The following CSMD3 variants were observed in gnomAD, a reference collection of about 807,000 sequenced individuals.
CSMD3 encodes CUB and Sushi multiple domains 3, also known as CUB and sushi domain-containing protein 3.
CSMD3 carries 177 observed loss-of-function variants against 435.2 expected under a neutral mutation model. The ratio of observed to expected loss-of-function variants is 0.41; its 90% confidence interval spans 0.36 to 0.46. The LOEUF is 0.46. Ranked by LOEUF, CSMD3 falls within the 20% of genes least tolerant of loss-of-function variation. CSMD3 has a pLI of 0.34. For missense variants in CSMD3, 4,265 were observed against 4,504.6 expected (o/e 0.95, Z 1.52); for synonymous variants, 1,656 against 1,520.5 (o/e 1.09, Z -2.07).
intron 31 of CSMD3, among the ~76,000 whole-genome samples, chr8:112,483,882 T>C (rs954774897): frequency 1.3e-5 from 2 of 152,172 alleles, no homozygotes; most frequent in African/African-American, 4.8e-5. Context: ...TGTATTTTCT[T>C]CTCTTAATTT....
At chr8:112,251,100 T>C (rs1485239135) in intron 63 of CSMD3, among the ~76,000 whole-genome samples, 3 of 151,856 alleles carry the variant, frequency 2.0e-5, no homozygotes, top group African/African-American at 4.8e-5. Flanking sequence ...ATGCATTTAT[T>C]TGAATCTGAC....
chr8:112,574,341 A>G (rs976802751), intron 23 of CSMD3, among the ~76,000 whole-genome samples: 3 of 151,962 alleles, frequency 2.0e-5, no homozygotes, highest in African/African-American at 7.2e-5. Context: ...TGAGAGATGT[A>G]TGGTGACTCC....
At chr8:112,759,099 A>G (rs2077772469) in intron 13 of CSMD3, among the ~76,000 whole-genome samples, 1 of 152,154 alleles carries the variant, frequency 6.6e-6, no homozygotes, top group Non-Finnish European at 1.5e-5. Flanking sequence ...TTACTCTATT[A>G]CACAAGCTTT....
In CSMD3 at chr8:112,281,238, A is replaced by C. The variant is rs1334751696; in HGVS notation, c.9444T>G (p.Ser3148=). 1.1e-5 allele frequency: 17 copies of C among 1,613,368 alleles called. No individual in the cohort carries two copies. Among genetic ancestry groups the C allele is most frequent in the Non-Finnish European group, 1.4e-5 (17 of 1,179,526 alleles). Residue 3148 remains serine, a synonymous_variant, in exon 59 of 71, where the codon TCT becomes TCG. Coordinates refer to ENST00000297405, the MANE Select transcript of CSMD3 (RefSeq NM_198123.2). ...CTGTGCACTGTCTAACTGAAGGTCC[A>C]GAAAGGATGTATCCCTCCATGCAGG... is the stretch of plus-strand genomic sequence containing the variant. ...IYSCMEGYIL[S]GPSVRQCTAN...
Position 113,045,508 on chromosome 8 carries a change from G to C in CSMD3, c.918-26329C>G, listed in dbSNP as rs891364761. Reference sequence around the variant, plus strand: ...AATTCTAATTTTACTCTAGTCTATGGTTTCTAAATTAAAATCATTGATCCC... The same window carrying C: ...AATTCTAATTTTACTCTAGTCTATGCTTTCTAAATTAAAATCATTGATCCC... On this transcript the variant is annotated intron_variant, in intron 5 of 70. Coordinates refer to ENST00000297405, the MANE Select transcript of CSMD3 (RefSeq NM_198123.2). Among the ~76,000 whole-genome samples, 13 of 149,012 alleles carry C rather than the reference G, an allele frequency of 8.7e-5. 1 individual carries two copies. The highest frequency in any genetic ancestry group is 2.2e-4 in the African/African-American group (9 of 41,196).
At chr8:112,252,257 C>A (rs1039755156) in intron 63 of CSMD3, among the ~76,000 whole-genome samples, 1 of 151,924 alleles carries the variant, frequency 6.6e-6, no homozygotes, top group African/African-American at 2.4e-5. Context: ...CCTTGGAAAT[C>A]TGGAATTGAG....
At chr8:113,253,871 A>G (rs931451732) in intron 3 of CSMD3, among the ~76,000 whole-genome samples, 18 of 152,032 alleles carry the variant, frequency 1.2e-4, no homozygotes, top group South Asian at 4.2e-4. Flanking sequence ...AAGAAATGAA[A>G]CTTATGTCCT....
At chr8:112,454,963 G>A (rs1429439702) in intron 32 of CSMD3, among the ~76,000 whole-genome samples, 2 of 151,922 alleles carry the variant, frequency 1.3e-5, no homozygotes, top group South Asian at 2.1e-4. Context: ...CAAGGAGGTC[G>A]AGGCTACAGT....
At chr8:112,710,028 C>A (rs777419106) in intron 13 of CSMD3, among the ~76,000 whole-genome samples, 6 of 152,030 alleles carry the variant, frequency 3.9e-5, no homozygotes, top group Non-Finnish European at 7.4e-5. Context: ...TAAGCCATTT[C>A]TTTAAAATAT....
At chr8:112,736,846 G>GA (rs2077195852) in intron 13 of CSMD3, among the ~76,000 whole-genome samples, 2 of 152,006 alleles carry the variant, frequency 1.3e-5, no homozygotes, top group South Asian at 4.1e-4. Context: ...AACAATGGGA[G>GA]AAAATCTCTG....
At chr8:112,464,336 T>C (rs1239756926) in intron 32 of CSMD3, among the ~76,000 whole-genome samples, 1 of 151,896 alleles carries the variant, frequency 6.6e-6, no homozygotes, top group East Asian at 1.9e-4. Flanking sequence ...AAAACACATA[T>C]GGCACCTATG....
intron 51 of CSMD3, among the ~76,000 whole-genome samples, chr8:112,305,411 G>GA (rs1438364318): frequency 1.3e-5 from 2 of 151,806 alleles, no homozygotes; most frequent in African/African-American, 4.8e-5. Context: ...TACTAAATGG[G>GA]AAAAAATAAT....
chr8:112,579,683 G>A (rs1830202197), intron 23 of CSMD3, among the ~76,000 whole-genome samples: 1 of 151,946 alleles, frequency 6.6e-6, no homozygotes, highest in Non-Finnish European at 1.5e-5. Flanking sequence ...CCTGTCATAA[G>A]TGCTATTCCC....
intron 3 of CSMD3, among the ~76,000 whole-genome samples, chr8:113,265,661 G>A (rs1033951730): frequency 6.6e-6 from 1 of 151,486 alleles, no homozygotes; most frequent in Admixed American, 6.6e-5. Flanking sequence ...AATATTCATT[G>A]TAAGTTTCTT....
At chr8:113,194,844 A>G (rs1413547205) in intron 3 of CSMD3, among the ~76,000 whole-genome samples, 2 of 151,292 alleles carry the variant, frequency 1.3e-5, no homozygotes, top group African/African-American at 4.8e-5. Context: ...CTAGCTTACA[A>G]ACAAGTAGCT....
chr8:112,894,050 CCAAA>C (rs747524747), intron 10 of CSMD3, among the ~76,000 whole-genome samples: 2 of 151,508 alleles, frequency 1.3e-5, no homozygotes, highest in East Asian at 2.0e-4. Flanking sequence ...ATCCTAAAAA[CCAAA>C]CAAACAAACA....
chr8:113,094,410 C>A (rs991872987), intron 5 of CSMD3, among the ~76,000 whole-genome samples: 1 of 152,062 alleles, frequency 6.6e-6, no homozygotes, highest in African/African-American at 2.4e-5. Flanking sequence ...GGGAAGATTT[C>A]TTTGACTATC....
At chr8:112,905,546 A>G (rs1051660878) in intron 10 of CSMD3, among the ~76,000 whole-genome samples, 2 of 151,378 alleles carry the variant, frequency 1.3e-5, no homozygotes, top group Non-Finnish European at 3.0e-5. Flanking sequence ...ACACAAATTT[A>G]TTTTACAATT....
At chr8:112,231,296 C>T (rs1030986764) in intron 69 of CSMD3, among the ~76,000 whole-genome samples, 7 of 152,168 alleles carry the variant, frequency 4.6e-5, no homozygotes, top group African/African-American at 1.4e-4. Context: ...TGCTTAAAGG[C>T]AAGCCAGTTT....
Sources: allele counts gnomAD v4.1 joint callset (sites outside exome capture counted in the v4.1 genomes callset), GRCh38; gene constraint gnomAD v4.1.1; transcripts MANE v1.5; gene names NCBI Gene and HGNC (gene_info 2026-07-23, HGNC 2026-07-21).